Variants in PDE8B observed in about 807,000 individuals in gnomAD.
PDE8B encodes phosphodiesterase 8B, also known as high affinity cAMP-specific and IBMX-insensitive 3',5'-cyclic phosphodiesterase 8B.
Under a neutral mutation model 101.3 loss-of-function variants are expected in PDE8B, and 26 were observed. That is an observed-to-expected ratio of 0.26 (90% CI 0.19 to 0.36). The LOEUF (loss-of-function observed/expected upper bound fraction) is 0.36. PDE8B is among the 10% of genes least tolerant of loss of function. PDE8B has a pLI of 1.00. For synonymous variants in PDE8B, 424 were observed against 429.3 expected, an observed-to-expected ratio of 0.99 and a Z score of 0.15; for missense variants, 810 against 1,163.1, an observed-to-expected ratio of 0.70 and a Z score of 4.42.
At chr5:77,293,561 A>G (rs1266531554) in intron 1 of PDE8B, among the ~76,000 whole-genome samples, 2 of 152,214 alleles carry the variant, frequency 1.3e-5, no homozygotes, top group African/African-American at 4.8e-5. Context: ...CAGGTTCTGG[A>G]GTCAGAGAGT....
chr5:77,352,120 C>G (rs1432197290), intron 9 of PDE8B, among the ~76,000 whole-genome samples: 1 of 152,144 alleles, frequency 6.6e-6, no homozygotes, highest in Non-Finnish European at 1.5e-5. Flanking sequence ...TTTTGCTTCA[C>G]TCTGGATGAT....
intron 10 of PDE8B, among the ~76,000 whole-genome samples, chr5:77,366,492 A>G (rs1784172634): frequency 6.6e-6 from 1 of 152,178 alleles, no homozygotes; most frequent in African/African-American, 2.4e-5. Flanking sequence ...AGCTGTGCCA[A>G]GTGGTCCAGG....
chr5:77,280,185 C>G (rs932037721), intron 1 of PDE8B, among the ~76,000 whole-genome samples: 2 of 152,148 alleles, frequency 1.3e-5, no homozygotes, highest in Admixed American at 1.3e-4. Flanking sequence ...TTCCCAAGGT[C>G]ATGAGAGTGC....
chr5:77,123,166 G>A, the PDE8B span, among the ~76,000 whole-genome samples: 1 of 152,102 alleles, frequency 6.6e-6, no homozygotes, highest in East Asian at 1.9e-4. Flanking sequence ...AAGGTTGAGG[G>A]GGTGCATCTG....
chr5:77,261,132 T>A (rs754296892), intron 1 of PDE8B, among the ~76,000 whole-genome samples: 2 of 152,128 alleles, frequency 1.3e-5, no homozygotes, highest in East Asian at 1.9e-4. Context: ...CTTTAAAAAG[T>A]TTAGAAAAAG....
At chr5:77,234,809 T>C (rs1409529086) in intron 1 of PDE8B, among the ~76,000 whole-genome samples, 1 of 152,240 alleles carries the variant, frequency 6.6e-6, no homozygotes, top group Non-Finnish European at 1.5e-5. Flanking sequence ...GAATTCCAGC[T>C]GCCACCACTC....
At position 77,265,655 on chromosome 5, in the gene PDE8B, C is replaced by G. The variant is rs368762687; in HGVS notation, c.340-46339C>G. On this transcript the variant is annotated intron_variant, in intron 1 of 21. Transcript: ENST00000264917. The stretch of plus-strand genomic sequence containing the variant: ...TTTGATTTGATTTAGGTAATTGGCC[C>G]TACTACATAGTACCTTCCCTCTCTG... Among the ~76,000 whole-genome samples, 4 of 152,184 alleles carry G rather than the reference C, an allele frequency of 2.6e-5. No individual in the cohort carries two copies. The South Asian group carries it at 6.2e-4, about 24-fold the overall frequency.
At chr5:77,268,291 C>A (rs907165594) in intron 1 of PDE8B, among the ~76,000 whole-genome samples, 1 of 151,950 alleles carries the variant, frequency 6.6e-6, no homozygotes, top group Non-Finnish European at 1.5e-5. Flanking sequence ...TTGATACAGG[C>A]GTACAATGCA....
chr5:77,184,743 G>A, the PDE8B span, among the ~76,000 whole-genome samples: 2 of 152,218 alleles, frequency 1.3e-5, no homozygotes, highest in East Asian at 1.9e-4. Flanking sequence ...ACTTTAGGGG[G>A]CTGAGGCAGG....
At chr5:77,316,213 T>C (rs992673843) in intron 2 of PDE8B, among the ~76,000 whole-genome samples, 5 of 152,198 alleles carry the variant, frequency 3.3e-5, no homozygotes, top group African/African-American at 1.2e-4. Context: ...CTTCTGTTCT[T>C]TTAGTGGTTA....
chr5:77,281,461 C>A (rs554768919), intron 1 of PDE8B, among the ~76,000 whole-genome samples: 22 of 152,334 alleles, frequency 1.4e-4, no homozygotes, highest in African/African-American at 1.7e-4. Context: ...GCAGGGCTGA[C>A]TCCTTCTGGA....
At chr5:77,240,343 C>CG (rs1456867230) in intron 1 of PDE8B, among the ~76,000 whole-genome samples, 1 of 151,574 alleles carries the variant, frequency 6.6e-6, no homozygotes, top group African/African-American at 2.4e-5. Flanking sequence ...TTAGTAGAGA[C>CG]GGGGTTTCAC....
chr5:77,204,008 T>C, the PDE8B span, among the ~76,000 whole-genome samples: 1 of 150,848 alleles, frequency 6.6e-6, no homozygotes, highest in Non-Finnish European at 1.5e-5. Context: ...AGATTGTAAA[T>C]GTTAAAAAAA....
intron 2 of PDE8B, among the ~76,000 whole-genome samples, chr5:77,317,911 G>A (rs1774112021): frequency 6.6e-6 from 1 of 151,856 alleles, no homozygotes; most frequent in South Asian, 2.1e-4. Context: ...ACAAAAATTA[G>A]TCGGGTGTGG....
At chr5:77,225,261 A>G (rs1376216131) in intron 1 of PDE8B, among the ~76,000 whole-genome samples, 1 of 152,238 alleles carries the variant, frequency 6.6e-6, no homozygotes, top group African/African-American at 2.4e-5. Flanking sequence ...CAAAATAATG[A>G]GTTGATTTCC....
intron 17 of PDE8B, among the ~76,000 whole-genome samples, chr5:77,417,830 A>G (rs1795877417): frequency 1.3e-5 from 2 of 152,154 alleles, no homozygotes; most frequent in African/African-American, 2.4e-5. Context: ...GTTTTGTTGT[A>G]TCTGAGCCAT....
chr5:77,126,979 C>T, the PDE8B span, among the ~76,000 whole-genome samples: 1 of 152,188 alleles, frequency 6.6e-6, no homozygotes, highest in Non-Finnish European at 1.5e-5. Flanking sequence ...ATCACTCTTG[C>T]AGTGTATTGC....
chr5:77,255,293 T>A (rs1758874818), intron 1 of PDE8B, among the ~76,000 whole-genome samples: 1 of 152,152 alleles, frequency 6.6e-6, no homozygotes, highest in African/African-American at 2.4e-5. Flanking sequence ...ATGCATTAAT[T>A]GAAGTTTAGA....
chr5:77,123,530 G>T, the PDE8B span, among the ~76,000 whole-genome samples: 2 of 152,062 alleles, frequency 1.3e-5, no homozygotes, highest in African/African-American at 4.8e-5. Context: ...GGCTGAGGTG[G>T]GTAGATCGCT....
Sources: gnomAD v4.1 joint callset for allele counts (sites outside exome capture counted in the v4.1 genomes callset) on GRCh38, gnomAD v4.1.1 for gene constraint, MANE v1.5 for transcripts, NCBI Gene and HGNC (gene_info 2026-07-23, HGNC 2026-07-21) for gene names.